Variants in COL2A1 observed in about 807,000 individuals in gnomAD.
The protein encoded by COL2A1 is collagen type II alpha 1 chain, also known as collagen alpha-1(II) chain.
In COL2A1, 28 loss-of-function variants were observed where a neutral mutation model predicts 204.5. The ratio of observed to expected loss-of-function variants is 0.14; its 90% CI spans 0.10 to 0.19. The LOEUF is 0.19. COL2A1 is among the 10% of genes least tolerant of loss of function. The probability of loss-of-function intolerance (pLI) is 1.00; values close to 1 mark genes in which losing one functional copy is unlikely to be tolerated. For synonymous variants in COL2A1, 708 were observed against 718.7 expected, an observed-to-expected ratio of 0.99 and a Z score of 0.24; for missense variants, 1,388 against 2,027.5, an observed-to-expected ratio of 0.68 and a Z score of 6.06.
At chr12:47,991,771 C>T (rs1008960833) in intron 16 of COL2A1, among the ~76,000 whole-genome samples, 14 of 152,212 alleles carry the variant, frequency 9.2e-5, no homozygotes, top group Admixed American at 2.0e-4. Context: ...CTCTGAGCCT[C>T]GCTAAAAGGC....
At position 47,978,453 on chromosome 12, in the gene COL2A1, C is replaced by T; in HGVS notation, c.2896-55G>A. ...TGACAGTGGCCCAGCCTCTTCTGTC[C>T]TCTCAGCACAGCTCTGTCTGTGCAG... On this transcript the variant is annotated intron_variant, in intron 42 of 53. Transcript: ENST00000380518. This position sits in a 1 kb window ranked among gnomAD's most constrained non-coding sequence, Gnocchi z 5.5. 1 of 1,591,136 alleles carries T rather than the reference C, an allele frequency of 6.3e-7. No individual in the cohort carries two copies. Among genetic ancestry groups the T allele is most frequent in the East Asian group, 2.3e-5 (1 of 43,862 alleles).
chr12:47,982,708 T>C, intron 33 of COL2A1, 99 bp from the exon 34 acceptor site: 5 of 1,249,270 alleles, frequency 4.0e-6, no homozygotes, highest in Non-Finnish European at 5.8e-6. Flanking sequence ...CCCCTCTTCC[T>C]TCCCTTCCTC....
At chr12:47,998,326 TCA>T in intron 3 of COL2A1, 87 bp downstream of exon 3, 2 of 1,526,144 alleles carry the variant, frequency 1.3e-6, no homozygotes, top group Non-Finnish European at 1.8e-6. Flanking sequence ...GTCTAAAAAA[TCA>T]CAGACTGGAT....
Position 47,983,731 on chromosome 12 carries a change from A to C in COL2A1, c.1947T>G (p.Pro649=). ...GAAGPPGPAG[P]AGERGEQGAP... ...CACCCTGCTCGCCTCGTTCACCAGC[A>C]GGTCCCTGCAGTGGAAAAGAAAAGG... Residue 649 remains proline, a synonymous_variant, in exon 30 of 54, where the codon CCT becomes CCG. Transcript: ENST00000380518. The C allele has an allele frequency of 6.3e-7, 1 of 1,589,814 alleles. No individual in the cohort carries two copies. Among genetic ancestry groups the C allele is most frequent in the South Asian group, 1.1e-5 (1 of 87,064 alleles).
rs776988208 is a variant in COL2A1 at position 47,977,287 on chromosome 12, G to A, written c.3273+33C>T. 15 of 1,591,330 alleles carry A rather than the reference G, an allele frequency of 9.4e-6. No homozygotes were observed. In the East Asian group the frequency reaches 3.4e-4, roughly 36 times the overall value. ...ACTGCCTCAGCCCCACCGCGCAGGG[G>A]AAGGCGGCTTTTACTGAATTCAGGA... On this transcript the variant is annotated intron_variant, in intron 46 of 53. Transcript: ENST00000380518.
chr12:47,975,431 T>C lies in COL2A1; in HGVS notation c.3772A>G (p.Thr1258Ala). The C allele has an allele frequency of 3.7e-6, 6 of 1,614,166 alleles. No homozygotes were observed. The highest frequency in any genetic ancestry group is 5.1e-6 in the Non-Finnish European group (6 of 1,180,014). The change falls in exon 51 of 54, where the codon ACA becomes GCA. Residue 1258 changes from threonine (T) to alanine (A), a missense_variant. Thr to Ala is a moderately conservative substitution (Grantham distance 58). This residue lies in a region of COL2A1 where 303 missense variants were observed against 369.2 expected (regional missense o/e 0.82). Transcript: ENST00000380518. Reference protein sequence around the residue: ...LRQHDAEVDATLKSLNNQIES... With the variant: ...LRQHDAEVDAALKSLNNQIES... Reference sequence around the variant, plus strand: ...ATCTGGTTGTTGAGGGACTTGAGTGTGGCATCCACCTCGGCGTCATGCTGT... The same window carrying C: ...ATCTGGTTGTTGAGGGACTTGAGTGCGGCATCCACCTCGGCGTCATGCTGT...
rs935869490 is a variant in COL2A1 at position 47,983,259 on chromosome 12, G to T, written c.2050-122C>A. On this transcript the variant is annotated intron_variant, in intron 31 of 53. Transcript: ENST00000380518. ...GGGATTGTGTCATCTGTGGAGGCTGGGACATGGGTCCAGGACATTCCCAGG... is the reference window on the plus strand; with the variant it reads ...GGGATTGTGTCATCTGTGGAGGCTGTGACATGGGTCCAGGACATTCCCAGG... 6.7e-6 allele frequency: 10 copies of T among 1,483,070 alleles called. No homozygotes were observed. The East Asian group carries it at 1.6e-4, about 24-fold the overall frequency. The allele number at this position is 1,483,070 out of a possible 1,614,324, so 91.9% of individuals were successfully genotyped here.
rs1938710082 is a variant in COL2A1, at chr12:47,976,433, A to G, written c.3489+81T>C. 6.7e-7 allele frequency: 1 copy of G among 1,485,686 alleles called. No homozygotes were observed. Among genetic ancestry groups the G allele is most frequent in the Non-Finnish European group, 9.4e-7 (1 of 1,063,872 alleles). The allele number at this position is 1,485,686 out of a possible 1,614,324, so 92.0% of individuals were successfully genotyped here. A position where few individuals can be genotyped will look rare whatever the true frequency, so the allele number is the denominator to read the frequency against. On this transcript the variant is annotated intron_variant, in intron 49 of 53. Transcript: ENST00000380518. This position sits in a 1 kb window ranked among gnomAD's most constrained non-coding sequence, Gnocchi z 4.3. ...CTGAGCCCACAGCTTCCCCAGAAGC[A>G]GCAGCATTTCCCTCCCCATGGGAAC...
chr12:47,975,606 C>A lies in COL2A1; in HGVS notation c.3598-1G>T. 6.3e-7 allele frequency: 1 copy of A among 1,599,566 alleles called. No individual in the cohort carries two copies. The highest frequency in any genetic ancestry group is 2.2e-5 in the East Asian group (1 of 44,870). On this transcript the variant is annotated splice_acceptor_variant, in intron 50 of 53. Transcript: ENST00000380518. LOFTEE classifies it high-confidence loss of function. ...GGGGTCCAGGATTTCCAGGAGGACC[C>A]TGCAGCAGGAAACAGAGAGATCAGC...
Position 47,986,325 on chromosome 12 carries a change from A to AT in COL2A1, c.1527+10dup, listed in dbSNP as rs1285069178. ...AGGCCCCATGGGATGGAGCCTCCAC[A>AT]TTCACTTAACTCTTTCTCCAGGGGG... is the stretch of plus-strand genomic sequence containing the variant. On this transcript the variant is annotated intron_variant, in intron 23 of 53. Transcript: ENST00000380518. The AT allele has an allele frequency of 6.5e-7, 1 of 1,526,758 alleles. No homozygotes were observed. The highest frequency in any genetic ancestry group is 1.9e-5 in the Admixed American group (1 of 51,622). The allele number at this position is 1,526,758 out of a possible 1,614,324, so 94.6% of individuals were successfully genotyped here.
intron 16 of COL2A1, among the ~76,000 whole-genome samples, chr12:47,991,320 C>T (rs1419651832): frequency 6.6e-6 from 1 of 152,220 alleles, no homozygotes. Context: ...AGAGAGGATA[C>T]AGGCCCAAGG....
intron 50 of COL2A1, 22 bp downstream of exon 50, chr12:47,975,941 G>A: frequency 3.8e-6 from 6 of 1,577,644 alleles, no homozygotes; most frequent in East Asian, 4.5e-5. Context: ...CTCGACAGCA[G>A]GGAAGGAGTC....
Position 47,985,600 on chromosome 12 carries a change from G to A in COL2A1, c.1681-13C>T. The A allele has an allele frequency of 6.2e-7, 1 of 1,613,956 alleles. No homozygotes were observed. Among genetic ancestry groups the A allele is most frequent in the Non-Finnish European group, 8.5e-7 (1 of 1,180,000 alleles). On this transcript the variant is annotated splice_polypyrimidine_tract_variant and intron_variant, in intron 25 of 53. Transcript: ENST00000380518. Reference sequence around the variant, plus strand: ...GGCCAGTGAGACCCTTTGTTCAGGAGAGAGAAGAGGGTGGGGTCAGGAGCC... The same window carrying A: ...GGCCAGTGAGACCCTTTGTTCAGGAAAGAGAAGAGGGTGGGGTCAGGAGCC...
At chr12:47,993,432 C>G (rs776839275) in intron 15 of COL2A1, 26 bp downstream of exon 15, 4 of 1,584,944 alleles carry the variant, frequency 2.5e-6, no homozygotes, top group Non-Finnish European at 3.5e-6. Flanking sequence ...CTTTGATAAA[C>G]CTTCCTGGAG....
At chr12:47,997,949 T>C (rs1940040351) in intron 5 of COL2A1, 25 bp from the exon 6 acceptor site, 1 of 1,614,018 alleles carries the variant, frequency 6.2e-7, no homozygotes, top group African/African-American at 1.3e-5. Flanking sequence ...CATGGTAAGA[T>C]GACAGCAAGG....
At chr12:47,982,672 G>C in intron 33 of COL2A1, 63 bp from the exon 34 acceptor site, 3 of 1,359,376 alleles carry the variant, frequency 2.2e-6, no homozygotes, top group Middle Eastern at 1.8e-4. Context: ...CCATGTTCAT[G>C]GAGCCTGGGT....
At position 47,978,517 on chromosome 12, in the gene COL2A1, T is replaced by C. The variant is rs913065276; in HGVS notation, c.2895+80A>G. 1.9e-6 allele frequency: 3 copies of C among 1,593,434 alleles called. No individual in the cohort carries two copies. Among genetic ancestry groups the C allele is most frequent in the Non-Finnish European group, 2.6e-6 (3 of 1,167,012 alleles). ...CATCCCCACGGCCCCTGCTCCCTCC[T>C]ACCCCATGCTCTGTGAGCTCAGAAG... On this transcript the variant is annotated intron_variant, in intron 42 of 53. Transcript: ENST00000380518. This position sits in a 1 kb window ranked among gnomAD's most constrained non-coding sequence, Gnocchi z 5.5.
Position 47,998,437 on chromosome 12 carries a change from A to G in COL2A1, c.293-6T>C. 6.2e-7 allele frequency: 1 copy of G among 1,611,354 alleles called. No individual in the cohort carries two copies. ...TACCTTTGGTCCTGGTTGCCCTGCA[A>G]GGGAAAAAATATAGAGAAGAAGAAG... is the stretch of plus-strand genomic sequence containing the variant. On this transcript the variant is annotated splice_region_variant and splice_polypyrimidine_tract_variant and intron_variant, in intron 2 of 53. Transcript: ENST00000380518.
intron 1 of COL2A1, among the ~76,000 whole-genome samples, chr12:48,003,606 G>C (rs1355015957): frequency 6.6e-6 from 1 of 152,168 alleles, no homozygotes; most frequent in Non-Finnish European, 1.5e-5. Context: ...TCCAGGGCCA[G>C]CTGGGAGGGG....
Sources: gnomAD v4.1 joint callset for allele counts (sites outside exome capture counted in the v4.1 genomes callset) on GRCh38, gnomAD v4.1.1 for gene constraint, gnomAD v4.1.1 regional missense constraint, Gnocchi (gnomAD v3.1) non-coding constraint, MANE v1.5 for transcripts, NCBI Gene and HGNC (gene_info 2026-07-23, HGNC 2026-07-21) for gene names.